The following IL19 variants were observed in gnomAD, a reference collection of about 807,000 sequenced individuals.
The protein encoded by IL19 is interleukin 19.
In IL19, 15 loss-of-function variants were observed where a neutral mutation model predicts 19.5. The observed-to-expected ratio is 0.77, with a 90% confidence interval of 0.52 to 1.19. IL19 has a LOEUF of 1.19. IL19 is among the 50% of genes most tolerant of loss of function. The probability of loss-of-function intolerance (pLI) is 0.00; values close to 1 mark genes in which losing one functional copy is unlikely to be tolerated. For missense variants in IL19, 199 were observed against 213.1 expected (o/e 0.93, Z 0.41); for synonymous variants, 78 against 78.3 (o/e 1.00, Z 0.02).
intron 2 of IL19, among the ~76,000 whole-genome samples, chr1:206,825,050 C>T (rs898536061): frequency 5.9e-5 from 9 of 152,226 alleles, no homozygotes; most frequent in African/African-American, 2.2e-4. Context: ...GCCACTGCGC[C>T]AGGCCCCCTG....
intron 2 of IL19, among the ~76,000 whole-genome samples, chr1:206,809,249 G>C (rs961131650): frequency 5.3e-5 from 8 of 152,174 alleles, no homozygotes; most frequent in African/African-American, 1.7e-4. Context: ...ATTATCTTAA[G>C]ACTGCTCTCA....
intron 2 of IL19, among the ~76,000 whole-genome samples, chr1:206,823,747 C>G (rs777561186): frequency 6.6e-6 from 1 of 152,140 alleles, no homozygotes; most frequent in Non-Finnish European, 1.5e-5. Flanking sequence ...ACATAACACT[C>G]TCCGTTGTCT....
intron 2 of IL19, among the ~76,000 whole-genome samples, chr1:206,801,616 TTC>T (rs1012394025): frequency 1.3e-5 from 2 of 152,244 alleles, no homozygotes; most frequent in South Asian, 2.1e-4. Context: ...CTATAAAGGC[TTC>T]TCCATCCCAC....
At position 206,842,754 on chromosome 1, in the gene IL19, G is replaced by C. The variant is rs192244887; in HGVS notation, c.*132G>C. ...CTGAAAGTCCCACTGGCTGGCCTCA[G>C]GCTGTCTTATTCCGCTTGAAAATAG... On this transcript the variant is annotated 3_prime_UTR_variant, in exon 7 of 7. Transcript: ENST00000659997. 6.8e-4 allele frequency: 412 copies of C among 608,074 alleles called. 1 individual carries two copies. In the African/African-American group the frequency reaches 6.9e-3, roughly 10 times the overall value. The allele number at this position is 608,074 out of a possible 1,614,324, so 37.7% of individuals were successfully genotyped here.
chr1:206,784,394 G>A (rs1020283558), intron 1 of IL19, among the ~76,000 whole-genome samples: 1 of 152,012 alleles, frequency 6.6e-6, no homozygotes, highest in Non-Finnish European at 1.5e-5. Context: ...AAATCCACCA[G>A]GTCAGCACAA....
At chr1:206,772,029 C>A (rs1468983086) in intron 1 of IL19, among the ~76,000 whole-genome samples, 3 of 152,220 alleles carry the variant, frequency 2.0e-5, no homozygotes, top group African/African-American at 7.2e-5. Flanking sequence ...AGTTTCTCAG[C>A]ACGAGAGAGA....
chr1:206,784,401 A>G (rs1446096571), intron 1 of IL19, among the ~76,000 whole-genome samples: 9 of 152,108 alleles, frequency 5.9e-5, no homozygotes, highest in Non-Finnish European at 1.0e-4. Flanking sequence ...CCAGGTCAGC[A>G]CAAGACCAGG....
At chr1:206,838,586 G>A (rs1437226045) in intron 4 of IL19, among the ~76,000 whole-genome samples, 4 of 152,180 alleles carry the variant, frequency 2.6e-5, no homozygotes, top group African/African-American at 9.7e-5. Flanking sequence ...GTGAGACCTT[G>A]GGAGGGAGCA....
At chr1:206,791,333 G>A (rs147943647) in intron 1 of IL19, among the ~76,000 whole-genome samples, 2,334 of 148,976 alleles carry the variant, frequency 0.016, 62 homozygotes, top group African/African-American at 0.055. Flanking sequence ...ATGGAGTTTC[G>A]GTCTTGTTGA....
At chr1:206,838,340 A>G (rs1387416018) in intron 4 of IL19, among the ~76,000 whole-genome samples, 1 of 152,206 alleles carries the variant, frequency 6.6e-6, no homozygotes, top group Non-Finnish European at 1.5e-5. Flanking sequence ...TGTATGACAG[A>G]GTGTAAGGTA....
At chr1:206,794,929 A>ACTC (rs1242985838) in intron 1 of IL19, among the ~76,000 whole-genome samples, 27 of 152,188 alleles carry the variant, frequency 1.8e-4, no homozygotes. Context: ...TCTCAGGGAA[A>ACTC]AGGGTCAGTG....
chr1:206,814,329 G>T (rs531372347), intron 2 of IL19, among the ~76,000 whole-genome samples: 1 of 151,702 alleles, frequency 6.6e-6, no homozygotes, highest in Non-Finnish European at 1.5e-5. Flanking sequence ...GCTTAGAAGA[G>T]CAGCAAGAGA....
intron 1 of IL19, among the ~76,000 whole-genome samples, chr1:206,777,590 G>C (rs1005591820): frequency 6.6e-6 from 1 of 152,104 alleles, no homozygotes; most frequent in African/African-American, 2.4e-5. Context: ...TCAGGGATCC[G>C]GGCTTGCTGG....
intron 6 of IL19, 60 bp from the exon 7 acceptor site, chr1:206,842,467 G>T: frequency 2.0e-6 from 2 of 1,022,228 alleles, no homozygotes; most frequent in South Asian, 3.0e-5. Context: ...TGAAGAAAGT[G>T]ACTTGAAAAC....
intron 2 of IL19, among the ~76,000 whole-genome samples, chr1:206,835,376 G>A (rs1008735373): frequency 4.6e-5 from 7 of 152,190 alleles, no homozygotes; most frequent in African/African-American, 1.7e-4. Context: ...TGCCTGCCAC[G>A]TGGTAAGGTC....
At position 206,795,323 on chromosome 1, in the gene IL19, T is replaced by A. The variant is rs1016263358; in HGVS notation, c.-148-3538T>A. On this transcript the variant is annotated intron_variant, in intron 1 of 6. Coordinates refer to ENST00000659997, the MANE Select transcript of IL19 (RefSeq NM_153758.5). The stretch of plus-strand genomic sequence containing the variant: ...CAGTCTCTTTGCATCCAGCTGGGTG[T>A]ATTCTGTCATATACACAAGTTGCCT... Among the ~76,000 whole-genome samples, 3 of 152,222 alleles carry A rather than the reference T, an allele frequency of 2.0e-5. No individual in the cohort carries two copies. The South Asian group carries it at 6.2e-4, about 32-fold the overall frequency.
intron 2 of IL19, among the ~76,000 whole-genome samples, chr1:206,802,609 A>C (rs1675740032): frequency 6.6e-6 from 1 of 152,150 alleles, no homozygotes; most frequent in Non-Finnish European, 1.5e-5. Context: ...TCATGGGTAA[A>C]TCGTGAGTCA....
chr1:206,838,102 T>G lies in IL19; in HGVS notation c.210+1079T>G, dbSNP rs773743649. On this transcript the variant is annotated intron_variant, in intron 4 of 6. Transcript: ENST00000659997. ...AAAGTTATATGATCATAAATTGTTTTAGAAAGACAATCTGGTGCTGTTCTT... is the reference window on the plus strand; with the variant it reads ...AAAGTTATATGATCATAAATTGTTTGAGAAAGACAATCTGGTGCTGTTCTT... 4.1e-4 allele frequency among the ~76,000 whole-genome samples: 62 copies of G among 152,236 alleles called. 2 individuals are homozygous for G. The highest frequency in any genetic ancestry group is 1.9e-4 in the Non-Finnish European group (13 of 68,044).
chr1:206,774,765 AG>A (rs2102443206), intron 1 of IL19, among the ~76,000 whole-genome samples: 1 of 152,272 alleles, frequency 6.6e-6, no homozygotes, highest in East Asian at 1.9e-4. Flanking sequence ...GGCCCTTGGA[AG>A]GTATCAGCTA....
Sources: gnomAD v4.1 joint callset for allele counts (sites outside exome capture counted in the v4.1 genomes callset) on GRCh38, gnomAD v4.1.1 for gene constraint, MANE v1.5 for transcripts, NCBI Gene and HGNC (gene_info 2026-07-23, HGNC 2026-07-21) for gene names.